ZSWIM5: variants seen among roughly 807,000 people sequenced by gnomAD.
ZSWIM5 encodes the protein zinc finger SWIM domain-containing protein 5.
A neutral mutation model predicts 119.6 loss-of-function variants in ZSWIM5; 55 were observed. The observed-to-expected ratio is 0.46, with a 90% CI of 0.37 to 0.58. The LOEUF (loss-of-function observed/expected upper bound fraction) is 0.58, where lower values mean the gene tolerates loss of function less well. ZSWIM5 is among the 20% of genes least tolerant of loss of function. ZSWIM5 has a pLI of 0.00. For missense variants in ZSWIM5, 1,193 were observed against 1,512.8 expected (o/e 0.79, Z 3.51); for synonymous variants, 537 against 606.9 (o/e 0.88, Z 1.69).
intron 1 of ZSWIM5, among the ~76,000 whole-genome samples, chr1:45,196,581 G>A (rs1259950863): frequency 1.3e-5 from 2 of 150,376 alleles, no homozygotes; most frequent in African/African-American, 2.4e-5. Flanking sequence ...TAGTAGAGGC[G>A]GGATTTCACC....
At chr1:45,062,084 T>C (rs1645155341) in intron 2 of ZSWIM5, among the ~76,000 whole-genome samples, 1 of 152,170 alleles carries the variant, frequency 6.6e-6, no homozygotes, top group East Asian at 1.9e-4. Flanking sequence ...AGTGAGACCC[T>C]GTCTCAAAAA....
At chr1:45,074,677 GTTTTA>G (rs1405710684) in intron 2 of ZSWIM5, among the ~76,000 whole-genome samples, 1 of 151,434 alleles carries the variant, frequency 6.6e-6, no homozygotes, top group Non-Finnish European at 1.5e-5. Flanking sequence ...CCAACCTTTT[GTTTTA>G]TTGATTTTTT....
chr1:45,053,587 C>T (rs958562076), intron 4 of ZSWIM5, among the ~76,000 whole-genome samples: 1 of 151,662 alleles, frequency 6.6e-6, no homozygotes, highest in African/African-American at 2.4e-5. Flanking sequence ...CATGGTGAAA[C>T]CCCATCTCTA....
chr1:45,038,442 A>C (rs888933043), intron 8 of ZSWIM5, among the ~76,000 whole-genome samples: 1 of 151,976 alleles, frequency 6.6e-6, no homozygotes, highest in Non-Finnish European at 1.5e-5. Flanking sequence ...GGTAAAATGC[A>C]AAATCAGGAC....
intron 1 of ZSWIM5, among the ~76,000 whole-genome samples, chr1:45,106,516 C>G (rs1409329986): frequency 6.8e-6 from 1 of 148,038 alleles, no homozygotes; most frequent in South Asian, 2.2e-4. Context: ...AGGTGGGGAG[C>G]GCCTCTGCCC....
chr1:45,047,017 C>CAA (rs35174853), intron 5 of ZSWIM5, among the ~76,000 whole-genome samples: 3 of 92,760 alleles, frequency 3.2e-5, no homozygotes, highest in Non-Finnish European at 4.3e-5. Context: ...AACTCTGTCT[C>CAA]AAAAAAAAAA....
intron 11 of ZSWIM5, among the ~76,000 whole-genome samples, chr1:45,021,530 G>A (rs188340069): frequency 6.6e-6 from 1 of 152,294 alleles, no homozygotes; most frequent in African/African-American, 2.4e-5. Flanking sequence ...GGTGAAGGTT[G>A]CTGGATGAAG....
chr1:45,033,821 T>C (rs1173889983), intron 11 of ZSWIM5, among the ~76,000 whole-genome samples: 2 of 152,104 alleles, frequency 1.3e-5, no homozygotes, highest in East Asian at 3.9e-4. Context: ...ATATTTGGTA[T>C]CCTACAATTA....
At chr1:45,189,603 A>G (rs375115679) in intron 1 of ZSWIM5, among the ~76,000 whole-genome samples, 11 of 152,042 alleles carry the variant, frequency 7.2e-5, no homozygotes, top group South Asian at 4.1e-4. Context: ...AAAAACACAA[A>G]AAGTTAGCCA....
intron 4 of ZSWIM5, among the ~76,000 whole-genome samples, chr1:45,056,598 G>A (rs1265714466): frequency 9.4e-6 from 1 of 106,808 alleles, no homozygotes; most frequent in African/African-American, 3.7e-5. Context: ...GTGACAGAGT[G>A]AGACTCTGTC....
chr1:45,187,860 C>G (rs1646068353), intron 1 of ZSWIM5, among the ~76,000 whole-genome samples: 1 of 152,092 alleles, frequency 6.6e-6, no homozygotes, highest in African/African-American at 2.4e-5. Flanking sequence ...CATCATTAGT[C>G]ACCAGAGAAA....
intron 1 of ZSWIM5, among the ~76,000 whole-genome samples, chr1:45,178,001 C>G (rs560628554): frequency 7.1e-4 from 107 of 151,702 alleles, no homozygotes; most frequent in Middle Eastern, 3.4e-3. Flanking sequence ...TCACAAAGTG[C>G]TGGGATTACA....
chr1:45,203,596 C>T (rs1367444760), intron 1 of ZSWIM5, among the ~76,000 whole-genome samples: 1 of 151,978 alleles, frequency 6.6e-6, no homozygotes, highest in Non-Finnish European at 1.5e-5. Context: ...AACACGATTA[C>T]TATCTTGGTA....
intron 1 of ZSWIM5, among the ~76,000 whole-genome samples, chr1:45,103,132 T>A (rs1296570199): frequency 6.6e-6 from 1 of 152,190 alleles, no homozygotes; most frequent in African/African-American, 2.4e-5. Context: ...CCTCCCAAAG[T>A]GCTGAGATTG....
chr1:45,051,375 TA>T, intron 4 of ZSWIM5, 122 bp from the exon 5 acceptor site: 2 of 1,077,158 alleles, frequency 1.9e-6, no homozygotes, highest in Non-Finnish European at 2.6e-6. Flanking sequence ...TTTCTTAATA[TA>T]AAAAACTTGC....
intron 1 of ZSWIM5, among the ~76,000 whole-genome samples, chr1:45,159,781 GT>G (rs1645852562): frequency 6.6e-6 from 1 of 152,050 alleles, no homozygotes. Flanking sequence ...AAGAGATGGG[GT>G]TTCACCATGT....
At chr1:45,134,691 A>G (rs1423816994) in intron 1 of ZSWIM5, among the ~76,000 whole-genome samples, 1 of 152,230 alleles carries the variant, frequency 6.6e-6, no homozygotes, top group Non-Finnish European at 1.5e-5. Context: ...CATGATGCTG[A>G]AAGATACTGG....
intron 1 of ZSWIM5, among the ~76,000 whole-genome samples, chr1:45,115,994 G>C (rs1385529984): frequency 6.6e-6 from 1 of 152,174 alleles, no homozygotes; most frequent in African/African-American, 2.4e-5. Flanking sequence ...CGCAATCCCA[G>C]GCACTCGCAG....
At chr1:45,149,914 T>A (rs561769020) in intron 1 of ZSWIM5, among the ~76,000 whole-genome samples, 20 of 152,270 alleles carry the variant, frequency 1.3e-4, no homozygotes, top group African/African-American at 4.8e-4. Context: ...CTCACACCTA[T>A]AACTCCAGCT....
Sources: gnomAD v4.1 joint callset for allele counts (sites outside exome capture counted in the v4.1 genomes callset) on GRCh38, gnomAD v4.1.1 for gene constraint, MANE v1.5 for transcripts, NCBI Gene and HGNC (gene_info 2026-07-23, HGNC 2026-07-21) for gene names.